The following NTN1 variants were observed in gnomAD, a reference collection of about 807,000 sequenced individuals.
NTN1 encodes netrin 1.
NTN1 carries 11 observed loss-of-function variants against 54.2 expected under a neutral mutation model. The observed-to-expected ratio is 0.20, with a 90% CI of 0.13 to 0.34. NTN1 has a LOEUF of 0.34. NTN1 is among the 10% of genes least tolerant of loss of function. The probability of loss-of-function intolerance (pLI) is 1.00; values close to 1 mark genes in which losing one functional copy is unlikely to be tolerated. For synonymous variants in NTN1, 371 were observed against 382.0 expected (o/e 0.97, Z 0.33); for missense variants, 740 against 893.1 (o/e 0.83, Z 2.18).
At chr17:9,041,068 C>T (rs973054198) in intron 2 of NTN1, among the ~76,000 whole-genome samples, 6 of 152,124 alleles carry the variant, frequency 3.9e-5, no homozygotes, top group Non-Finnish European at 8.8e-5. Context: ...CTGCCTGAGA[C>T]TCCCAAACTG....
At chr17:9,010,539 T>G in the NTN1 span, among the ~76,000 whole-genome samples, 6 of 152,190 alleles carry the variant, frequency 3.9e-5, no homozygotes, top group African/African-American at 1.4e-4. Flanking sequence ...GGTCTCTCAT[T>G]TTGTTCCTTT....
intron 2 of NTN1, among the ~76,000 whole-genome samples, chr17:9,048,970 A>C (rs927230431): frequency 5.9e-5 from 9 of 152,194 alleles, no homozygotes; most frequent in African/African-American, 2.2e-4. Context: ...ATGCTTCTTA[A>C]AATAAGCATT....
intron 2 of NTN1, among the ~76,000 whole-genome samples, chr17:9,023,745 C>T (rs912873939): frequency 8.5e-5 from 13 of 152,230 alleles, no homozygotes; most frequent in Admixed American, 3.9e-4. Flanking sequence ...TTCACCTGCA[C>T]CCACCCCCCT....
chr17:9,117,574 T>G (rs2092217909), intron 2 of NTN1, among the ~76,000 whole-genome samples: 1 of 151,778 alleles, frequency 6.6e-6, no homozygotes, highest in African/African-American at 2.4e-5. Flanking sequence ...TGAAACCCCG[T>G]CTCTACTAAA....
intron 2 of NTN1, among the ~76,000 whole-genome samples, chr17:9,065,764 A>G (rs925763595): frequency 6.6e-6 from 1 of 152,238 alleles, no homozygotes; most frequent in Non-Finnish European, 1.5e-5. Flanking sequence ...ATTGTGGACT[A>G]TGCTCAAGTG....
At chr17:9,181,677 T>C (rs1164365159) in intron 4 of NTN1, among the ~76,000 whole-genome samples, 1 of 152,178 alleles carries the variant, frequency 6.6e-6, no homozygotes, top group Non-Finnish European at 1.5e-5. Flanking sequence ...GTAGCCCATG[T>C]CCATCCACCA....
intron 2 of NTN1, among the ~76,000 whole-genome samples, chr17:9,120,384 G>A (rs2092228491): frequency 6.6e-6 from 1 of 152,196 alleles, no homozygotes; most frequent in African/African-American, 2.4e-5. Flanking sequence ...GGCACATTGG[G>A]CTTCTCTCCC....
upstream of NTN1, among the ~76,000 whole-genome samples, chr17:9,017,279 T>G (rs1309977902): frequency 2.0e-5 from 3 of 152,164 alleles, no homozygotes; most frequent in Non-Finnish European, 4.4e-5. Context: ...CTACACCTGC[T>G]ATTTCCACTT....
At chr17:9,012,060 A>G in the NTN1 span, among the ~76,000 whole-genome samples, 2 of 152,170 alleles carry the variant, frequency 1.3e-5, no homozygotes, top group South Asian at 4.1e-4. Flanking sequence ...CGCTATGAAA[A>G]TCAGAGCTAT....
At chr17:9,024,983 T>C (rs1567692720) in intron 2 of NTN1, among the ~76,000 whole-genome samples, 1 of 152,228 alleles carries the variant, frequency 6.6e-6, no homozygotes. Flanking sequence ...TCTTTTCTTT[T>C]CTTCCCTTTG....
At chr17:9,138,058 T>G (rs1017431840) in intron 2 of NTN1, among the ~76,000 whole-genome samples, 1 of 152,134 alleles carries the variant, frequency 6.6e-6, no homozygotes, top group African/African-American at 2.4e-5. Context: ...CACCATGAGG[T>G]GAGAGCGGGC....
chr17:9,003,572 C>T, the NTN1 span, among the ~76,000 whole-genome samples: 1 of 148,188 alleles, frequency 6.7e-6, no homozygotes, highest in South Asian at 2.1e-4. The surrounding 1 kb of genome is among the most constrained non-coding windows in gnomAD (Gnocchi z 7.4). Flanking sequence ...TCGCGCTCGG[C>T]GGCCGGCCAA....
At chr17:9,235,750 CTTTTTTTTTTTT>C (rs1163805143) in intron 6 of NTN1, among the ~76,000 whole-genome samples, 1 of 50,842 alleles carries the variant, frequency 2.0e-5, no homozygotes, top group Non-Finnish European at 6.5e-5. Flanking sequence ...TTTTTTTTTT[CTTTTTTTTTTTT>C]TTGGAGACAG....
At chr17:9,149,318 G>A (rs2092321522) in intron 2 of NTN1, among the ~76,000 whole-genome samples, 1 of 151,020 alleles carries the variant, frequency 6.6e-6, no homozygotes, top group African/African-American at 2.4e-5. Context: ...CATCTGGGCA[G>A]GGCGGGCAAG....
In NTN1 at chr17:9,201,717, C is replaced by A. The variant is rs1285146831; in HGVS notation, c.1411+18748C>A. 2.0e-5 allele frequency among the ~76,000 whole-genome samples: 3 copies of A among 152,092 alleles called. No homozygotes were observed. In the East Asian group the frequency reaches 5.8e-4, roughly 29 times the overall value. On this transcript the variant is annotated intron_variant, in intron 5 of 6. Transcript: ENST00000173229. ...ACTTGGGGATCTGTGGGATCCACAG[C>A]CATGCCTGAGCTCCTGGGCTGTGAT...
intron 2 of NTN1, among the ~76,000 whole-genome samples, chr17:9,035,615 T>A (rs2091901121): frequency 6.6e-6 from 1 of 152,220 alleles, no homozygotes. Context: ...AAGGTCTCTG[T>A]CACCCAGCCT....
At chr17:9,238,937 T>C (rs1197426055) in intron 6 of NTN1, among the ~76,000 whole-genome samples, 1 of 152,138 alleles carries the variant, frequency 6.6e-6, no homozygotes, top group Non-Finnish European at 1.5e-5. Flanking sequence ...TTCTGATGCA[T>C]GCTCCATTTG....
intron 3 of NTN1, among the ~76,000 whole-genome samples, chr17:9,166,158 A>T (rs1296692144): frequency 3.7e-3 from 52 of 14,220 alleles, no homozygotes; most frequent in African/African-American, 8.9e-3. Flanking sequence ...TTCCACCACC[A>T]CCACCACCAC....
At chr17:9,054,274 C>CGAA (rs2091970616) in intron 2 of NTN1, among the ~76,000 whole-genome samples, 1 of 152,094 alleles carries the variant, frequency 6.6e-6, no homozygotes, top group African/African-American at 2.4e-5. Context: ...AGTGGATCCC[C>CGAA]GAAGAGCCGA....
Sources: gnomAD v4.1 joint callset for allele counts (sites outside exome capture counted in the v4.1 genomes callset) on GRCh38, gnomAD v4.1.1 for gene constraint, Gnocchi (gnomAD v3.1) non-coding constraint, MANE v1.5 for transcripts, NCBI Gene and HGNC (gene_info 2026-07-23, HGNC 2026-07-21) for gene names.